UGT1A3: variants seen among roughly 807,000 people sequenced by gnomAD.
UGT1A3 encodes UDP glucuronosyltransferase family 1 member A3.
Under a neutral mutation model 41.0 loss-of-function variants are expected in UGT1A3, and 31 were observed. That is an observed-to-expected ratio of 0.76 (90% CI 0.57 to 1.02). The LOEUF (loss-of-function observed/expected upper bound fraction) is 1.02, where lower values mean the gene tolerates loss of function less well. Ranked by LOEUF, UGT1A3 falls within the 50% of genes least tolerant of loss-of-function variation. UGT1A3 has a pLI of 0.00. For synonymous variants in UGT1A3, 262 were observed against 257.6 expected, an observed-to-expected ratio of 1.02 and a Z score of -0.17; for missense variants, 737 against 671.0, an observed-to-expected ratio of 1.10 and a Z score of -1.09.
chr2:233,752,468 T>C (rs1694980469), intron 1 of UGT1A3: 1 of 152,362 alleles, frequency 6.6e-6, no homozygotes, highest in Admixed American at 6.5e-5. Flanking sequence ...TATAGGCCTC[T>C]AGCAGTGTTA....
rs780354743 is a variant in UGT1A3 at position 233,767,874 on chromosome 2, G to A, written c.1025G>A (p.Arg342Gln). Residue 342 changes from arginine to glutamine, a missense_variant, in exon 3 of 5, where the codon CGA becomes CAA. Coordinates refer to ENST00000482026, the MANE Select transcript of UGT1A3 (RefSeq NM_019093.4). ...QTVLWRYTGT[R>Q]PSNLANNTIL... ...GTCCTGTGGCGGTACACTGGAACCC[G>A]ACCATCGAATCTTGCGAACAACACG... 28 of 1,613,980 alleles carry A rather than the reference G, an allele frequency of 1.7e-5. No individual in the cohort carries two copies. Among genetic ancestry groups the A allele is most frequent in the Admixed American group, 1.0e-4 (6 of 59,998 alleles).
rs747443609 is a variant in UGT1A3 at position 233,768,266 on chromosome 2, T to C, written c.1134T>C (p.Gly378=). 6.8e-6 allele frequency: 11 copies of C among 1,614,024 alleles called. No individual in the cohort carries two copies. Among genetic ancestry groups the C allele is most frequent in the Non-Finnish European group, 9.3e-6 (11 of 1,180,038 alleles). ...TTATCACCCATGCTGGTTCCCATGG[T>C]GTTTATGAAAGCATATGCAATGGCG... is the stretch of plus-strand genomic sequence containing the variant. The part of the protein sequence containing the change: ...RAFITHAGSH[G]VYESICNGVP... The change falls in exon 4 of 5, where the codon GGT becomes GGC. Residue 378 remains glycine, a synonymous_variant. Coordinates refer to ENST00000482026, the MANE Select transcript of UGT1A3 (RefSeq NM_019093.4).
At chr2:233,755,130 T>C (rs191550208) in intron 1 of UGT1A3, 4 of 1,321,300 alleles carry the variant, frequency 3.0e-6, no homozygotes, top group African/African-American at 1.5e-5. Flanking sequence ...AGCCACCTGC[T>C]TGAATCTTCT....
Position 233,741,236 on chromosome 2 carries a change from A to C in UGT1A3, c.867+11243A>C, listed in dbSNP as rs1691598221. ...AGTTGTTACAGACCCACTACCTCTG[A>C]GTGACACTGGTATGCCACTCTTTGC... On this transcript the variant is annotated intron_variant, in intron 1 of 4. Coordinates refer to ENST00000482026, the MANE Select transcript of UGT1A3 (RefSeq NM_019093.4). 1.3e-5 allele frequency among the ~76,000 whole-genome samples: 2 copies of C among 151,870 alleles called. 1 individual carries two copies. The highest frequency in any genetic ancestry group is 4.9e-5 in the African/African-American group (2 of 41,122).
At position 233,769,662 on chromosome 2, in the gene UGT1A3, G is replaced by A; in HGVS notation, c.1307+1223G>A. 1 of 1,599,484 alleles carries A rather than the reference G, an allele frequency of 6.3e-7. No individual in the cohort carries two copies. The highest frequency in any genetic ancestry group is 8.5e-7 in the Non-Finnish European group (1 of 1,173,496). On this transcript the variant is annotated intron_variant, in intron 4 of 4. Transcript: ENST00000482026. The surrounding 1 kb of genome is among the most constrained non-coding windows in gnomAD (Gnocchi z 4.4). ...GACTGATGACTGACTTCCCACCTTT[G>A]AGGTGCTAATGTGTGTGTGGTGGCA...
At chr2:233,756,789 G>A (rs1696325268) in intron 1 of UGT1A3, among the ~76,000 whole-genome samples, 1 of 151,900 alleles carries the variant, frequency 6.6e-6, no homozygotes, top group Admixed American at 6.6e-5. Context: ...AAATTGTGGG[G>A]CAATACACTA....
intron 1 of UGT1A3, chr2:233,752,495 C>T (rs1266161924): frequency 6.6e-6 from 1 of 152,176 alleles, no homozygotes; most frequent in Non-Finnish European, 1.5e-5. Flanking sequence ...TGAGATGAGA[C>T]ATTTTAAAAA....
chr2:233,772,831 T>TCACACAAGAAAG lies in UGT1A3; in HGVS notation c.*273_*274insACACAAGAAAGC. 2 of 893,952 alleles carry TCACACAAGAAAG rather than the reference T, an allele frequency of 2.2e-6. No individual in the cohort carries two copies. Among genetic ancestry groups the TCACACAAGAAAG allele is most frequent in the Non-Finnish European group, 3.1e-6 (2 of 642,656 alleles). 55.4% of individuals were successfully genotyped at this position (893,952 alleles called of 1,614,324 possible). A position where few individuals can be genotyped will look rare whatever the true frequency, so the allele number is the denominator to read the frequency against. On this transcript the variant is annotated 3_prime_UTR_variant, in exon 5 of 5. Transcript: ENST00000482026. ...AGAGGACGTGCAGACAGGCTGGCAT[T>TCACACAAGAAAG]CTAGATTACTTTTCTTACTCTGAAA...
chr2:233,768,607 G>A (rs1227150844), intron 4 of UGT1A3, among the ~76,000 whole-genome samples, 168 bp downstream of exon 4: 1 of 99,376 alleles, frequency 1.0e-5, no homozygotes, highest in South Asian at 3.4e-4. Context: ...TTTTTTTTGA[G>A]ATGGAGTCTT....
intron 1 of UGT1A3, among the ~76,000 whole-genome samples, chr2:233,749,659 C>T (rs1400129008): frequency 6.6e-6 from 1 of 151,752 alleles, no homozygotes. Context: ...AATTGTAATC[C>T]CCATAATCCC....
rs1283687503 is a variant in UGT1A3 at position 233,729,066 on chromosome 2, A to G, written c.-61A>G. 1.9e-6 allele frequency: 3 copies of G among 1,611,112 alleles called. No homozygotes were observed. The highest frequency in any genetic ancestry group is 2.5e-6 in the Non-Finnish European group (3 of 1,179,340). The stretch of plus-strand genomic sequence containing the variant: ...CAGTGACAAGGTAATTAAGATGAAG[A>G]AAGCAAATGTAGCAGGCACAGCGTG... On this transcript the variant is annotated 5_prime_UTR_variant, in exon 1 of 5. Transcript: ENST00000482026.
intron 1 of UGT1A3, chr2:233,760,592 A>G (rs2125986394): frequency 1.1e-5 from 18 of 1,614,212 alleles, no homozygotes; most frequent in Non-Finnish European, 1.5e-5. Flanking sequence ...GTTTTTGAGA[A>G]TGATTCTTTC....
intron 1 of UGT1A3, among the ~76,000 whole-genome samples, chr2:233,763,269 T>C (rs934722016): frequency 6.6e-6 from 1 of 152,266 alleles, no homozygotes; most frequent in Non-Finnish European, 1.5e-5. Context: ...TCTTGTTGCA[T>C]GTTTTAATCT....
intron 1 of UGT1A3, among the ~76,000 whole-genome samples, chr2:233,744,723 G>A (rs187577100): frequency 9.2e-5 from 14 of 151,876 alleles, no homozygotes; most frequent in Admixed American, 8.5e-4. Flanking sequence ...AGAGAATGAC[G>A]GTGAAAAAAT....
In UGT1A3 at chr2:233,772,443, T is replaced by A; in HGVS notation, c.1489T>A (p.Leu497Met). 6.2e-7 allele frequency: 1 copy of A among 1,614,238 alleles called. No homozygotes were observed. The highest frequency in any genetic ancestry group is 8.5e-7 in the Non-Finnish European group (1 of 1,180,046). ...YHSLDVIGFLLAVVLTVAFIT... is the reference protein window; with the variant it reads ...YHSLDVIGFLMAVVLTVAFIT... ...TTCCTTGGACGTGATTGGTTTCCTCTTGGCCGTCGTGCTGACAGTGGCCTT... is the reference window on the plus strand; with the variant it reads ...TTCCTTGGACGTGATTGGTTTCCTCATGGCCGTCGTGCTGACAGTGGCCTT... Residue 497 changes from leucine (L) to methionine (M), a missense_variant, in exon 5 of 5, where the codon TTG becomes ATG. Coordinates refer to ENST00000482026, the MANE Select transcript of UGT1A3 (RefSeq NM_019093.4).
rs371763780 is a variant in UGT1A3 at position 233,751,446 on chromosome 2, A to G, written c.868-15588A>G. Among the ~76,000 whole-genome samples, 1,356 of 152,090 alleles carry G rather than the reference A, an allele frequency of 8.9e-3. 29 individuals are homozygous for G. Among genetic ancestry groups the G allele is most frequent in the African/African-American group, 0.031 (1,276 of 41,348 alleles). On this transcript the variant is annotated intron_variant, in intron 1 of 4. Transcript: ENST00000482026. Reference sequence around the variant, plus strand: ...TGCTGAAATGAGTTAAGACTTTGGAAGATTGTTGGGAAGGCACGATTGGTT... The same window carrying G: ...TGCTGAAATGAGTTAAGACTTTGGAGGATTGTTGGGAAGGCACGATTGGTT...
chr2:233,731,351 A>G (rs2078148084), intron 1 of UGT1A3, among the ~76,000 whole-genome samples: 1 of 151,002 alleles, frequency 6.6e-6, no homozygotes, highest in African/African-American at 2.4e-5. Flanking sequence ...TTTGATACAT[A>G]GGTATACATG....
Position 233,769,482 on chromosome 2 carries a change from T to A in UGT1A3, c.1307+1043T>A. On this transcript the variant is annotated intron_variant, in intron 4 of 4. Coordinates refer to ENST00000482026, the MANE Select transcript of UGT1A3 (RefSeq NM_019093.4). The surrounding 1 kb of genome is among the most constrained non-coding windows in gnomAD (Gnocchi z 4.4). Reference sequence around the variant, plus strand: ...TCATATGCGTGTGTGTGTGTGTGCGTGTGTTTATGAGAGTGTCCATTGCTT... The same window carrying A: ...TCATATGCGTGTGTGTGTGTGTGCGAGTGTTTATGAGAGTGTCCATTGCTT... The A allele has an allele frequency of 6.2e-7, 1 of 1,611,750 alleles. No homozygotes were observed.
intron 1 of UGT1A3, among the ~76,000 whole-genome samples, chr2:233,734,140 A>T (rs2078490993): frequency 1.3e-5 from 2 of 152,148 alleles, no homozygotes; most frequent in Admixed American, 1.3e-4. Context: ...TTTGGCTGTG[A>T]ATCCATCTGG....
Sources: gnomAD v4.1 joint callset for allele counts (sites outside exome capture counted in the v4.1 genomes callset) on GRCh38, gnomAD v4.1.1 for gene constraint, Gnocchi (gnomAD v3.1) non-coding constraint, MANE v1.5 for transcripts, NCBI Gene and HGNC (gene_info 2026-07-23, HGNC 2026-07-21) for gene names.